Variants in DNER observed in about 807,000 individuals in gnomAD.
DNER encodes delta/notch like EGF repeat containing, also known as delta and Notch-like epidermal growth factor-related receptor.
In DNER, 33 loss-of-function variants were observed where a neutral mutation model predicts 78.2. That is an observed-to-expected ratio of 0.42 (90% confidence interval 0.32 to 0.56). The LOEUF (loss-of-function observed/expected upper bound fraction) is 0.56. DNER is among the 20% of genes least tolerant of loss of function. DNER has a pLI of 0.11. For missense variants in DNER, 918 were observed against 975.3 expected, an observed-to-expected ratio of 0.94 and a Z score of 0.78; for synonymous variants, 417 against 384.8, an observed-to-expected ratio of 1.08 and a Z score of -0.98.
At chr2:229,466,132 TCTC>T in intron 7 of DNER, among the ~76,000 whole-genome samples, 1 of 152,170 alleles carries the variant, frequency 6.6e-6, no homozygotes, top group African/African-American at 2.4e-5. Flanking sequence ...CTAAAATTCT[TCTC>T]CTCTCCTGCT....
Position 229,358,540 on chromosome 2 carries a change from T to C in DNER, c.2214A>G (p.Ter738=). 6.2e-7 allele frequency: 1 copy of C among 1,601,976 alleles called. No individual in the cohort carries two copies. The highest frequency in any genetic ancestry group is 8.5e-7 in the Non-Finnish European group (1 of 1,174,770). Residue 738 remains the stop codon, a stop_retained_variant, in exon 13 of 13, where the codon TAA becomes TAG. Transcript: ENST00000341772. ...TTTTGAAAAATAATCCAAAAAAAGA[T>C]TACAAATCTTTAGTTTTAATCAGTG... ...LVTLIKTKDL[*]
intron 1 of DNER, among the ~76,000 whole-genome samples, chr2:229,674,076 T>G (rs1171899148): frequency 1.3e-5 from 2 of 152,256 alleles, no homozygotes; most frequent in African/African-American, 4.8e-5. Context: ...GTTCCAAGAA[T>G]AGCTGGTCTC....
intron 6 of DNER, among the ~76,000 whole-genome samples, chr2:229,478,842 C>T (rs1211115605): frequency 6.6e-6 from 1 of 151,930 alleles, no homozygotes; most frequent in African/African-American, 2.4e-5. Flanking sequence ...GGTACCTGTG[C>T]AGGATGCGCA....
intron 4 of DNER, among the ~76,000 whole-genome samples, chr2:229,582,381 G>A (rs577702450): frequency 6.6e-6 from 1 of 152,190 alleles, no homozygotes; most frequent in East Asian, 1.9e-4. Context: ...TAGGAACCTG[G>A]CCATCCCTCC....
chr2:229,614,700 C>G (rs1057237143), intron 1 of DNER, among the ~76,000 whole-genome samples: 1 of 152,214 alleles, frequency 6.6e-6, no homozygotes, highest in Admixed American at 6.5e-5. Flanking sequence ...AGACTGGGCT[C>G]CAGCCCTGCC....
intron 1 of DNER, among the ~76,000 whole-genome samples, chr2:229,605,286 G>C (rs1224927879): frequency 4.6e-5 from 7 of 152,148 alleles, no homozygotes; most frequent in African/African-American, 1.7e-4. Context: ...GAAGCAAAGG[G>C]ATGAGGGCAG....
chr2:229,498,855 C>G (rs1273113681), intron 6 of DNER, among the ~76,000 whole-genome samples: 1 of 152,100 alleles, frequency 6.6e-6, no homozygotes, highest in South Asian at 2.1e-4. Flanking sequence ...TCTACAGATT[C>G]AATGAAATTC....
chr2:229,451,745 C>A (rs778669354), intron 7 of DNER, among the ~76,000 whole-genome samples: 2 of 152,082 alleles, frequency 1.3e-5, no homozygotes, highest in Admixed American at 1.3e-4. Flanking sequence ...AATGACCAAC[C>A]AATTAAGATG....
At chr2:229,547,758 T>C (rs552426068) in intron 4 of DNER, among the ~76,000 whole-genome samples, 1 of 152,362 alleles carries the variant, frequency 6.6e-6, no homozygotes, top group Non-Finnish European at 1.5e-5. Context: ...TAGTTGAATA[T>C]GGATTGCAGT....
chr2:229,364,077 A>C (rs1692283963), intron 12 of DNER, among the ~76,000 whole-genome samples: 1 of 133,786 alleles, frequency 7.5e-6, no homozygotes, highest in Non-Finnish European at 1.5e-5. Flanking sequence ...GTTAGCCAGG[A>C]TGATCTCTAT....
At chr2:229,592,840 C>T (rs896563653) in intron 1 of DNER, among the ~76,000 whole-genome samples, 1 of 152,180 alleles carries the variant, frequency 6.6e-6, no homozygotes, top group Non-Finnish European at 1.5e-5. Context: ...GGGCTGACTA[C>T]AAAACAGAAT....
At position 229,714,223 on chromosome 2, in the gene DNER, CG is replaced by C; in HGVS notation, c.200del (p.Pro67ArgfsTer107). ...GVCTSRPEPD[P>X]QHPAPAGEPG... is the part of the protein sequence containing the mutation. ...GCTCGCCGGCGGGGGCCGGGTGCTG[CG>C]GGTCCGGCTCAGGGCGCGAGGTGCA... is the stretch of plus-strand genomic sequence containing the variant. On this transcript the variant is annotated frameshift_variant, in exon 1 of 13. Transcript: ENST00000341772. LOFTEE classifies it high-confidence loss of function. 7.2e-7 allele frequency: 1 copy of C among 1,397,240 alleles called. No homozygotes were observed. 86.6% of individuals were successfully genotyped at this position (1,397,240 alleles called of 1,614,324 possible). A position where few individuals can be genotyped will look rare whatever the true frequency, so the allele number is the denominator to read the frequency against.
chr2:229,414,441 A>G (rs781205919), intron 9 of DNER, among the ~76,000 whole-genome samples: 1 of 151,950 alleles, frequency 6.6e-6, no homozygotes, highest in Non-Finnish European at 1.5e-5. Context: ...TAATTTTCGT[A>G]TTTTTAGTAG....
At chr2:229,519,445 A>G (rs116258439) in intron 5 of DNER, among the ~76,000 whole-genome samples, 98 of 152,242 alleles carry the variant, frequency 6.4e-4, no homozygotes, top group African/African-American at 2.0e-3. Context: ...AAAATGCCCA[A>G]CTGACTAGAC....
At chr2:229,369,425 A>G (rs55851318) in intron 11 of DNER, among the ~76,000 whole-genome samples, 15,647 of 148,256 alleles carry the variant, frequency 0.11, 1,712 homozygotes, top group East Asian at 0.51. Flanking sequence ...AAAAAGTTAA[A>G]CAAAAAGTTT....
chr2:229,457,541 A>C (rs887541682), intron 7 of DNER, among the ~76,000 whole-genome samples: 2 of 151,876 alleles, frequency 1.3e-5, no homozygotes, highest in East Asian at 3.9e-4. Flanking sequence ...AAACCAAAAA[A>C]CCCAGCAGTA....
At chr2:229,473,428 G>T (rs57018215) in intron 7 of DNER, among the ~76,000 whole-genome samples, 8,879 of 152,222 alleles carry the variant, frequency 0.058, 732 homozygotes, top group African/African-American at 0.18. Context: ...TCCATTTCTG[G>T]CTATGTGACC....
At chr2:229,708,004 C>G (rs912913531) in intron 1 of DNER, among the ~76,000 whole-genome samples, 1 of 152,210 alleles carries the variant, frequency 6.6e-6, no homozygotes, top group Non-Finnish European at 1.5e-5. Context: ...AAAGGAGTCA[C>G]TTACCCAAGG....
At chr2:229,684,762 G>A (rs1699456316) in intron 1 of DNER, among the ~76,000 whole-genome samples, 1 of 152,126 alleles carries the variant, frequency 6.6e-6, no homozygotes, top group Non-Finnish European at 1.5e-5. Context: ...ACCATAATCT[G>A]CGGTATAAAT....
Sources: allele counts gnomAD v4.1 joint callset (sites outside exome capture counted in the v4.1 genomes callset), GRCh38; gene constraint gnomAD v4.1.1; transcripts MANE v1.5; gene names NCBI Gene and HGNC (gene_info 2026-07-23, HGNC 2026-07-21).